The following SGCZ variants were observed in gnomAD, a reference collection of about 807,000 sequenced individuals.
SGCZ encodes zeta-sarcoglycan.
In SGCZ, 40 loss-of-function variants were observed where a neutral mutation model predicts 41.3. That is an observed-to-expected ratio of 0.97 (90% CI 0.75 to 1.26). The LOEUF is 1.26. SGCZ is among the 50% of genes most tolerant of loss of function. SGCZ has a pLI of 0.00. For synonymous variants in SGCZ, 206 were observed against 137.5 expected, an observed-to-expected ratio of 1.50 and a Z score of -3.49; for missense variants, 552 against 369.8, an observed-to-expected ratio of 1.49 and a Z score of -4.04.
At chr8:14,152,661 C>G (rs1017624345) in intron 5 of SGCZ, among the ~76,000 whole-genome samples, 1 of 152,118 alleles carries the variant, frequency 6.6e-6, no homozygotes, top group African/African-American at 2.4e-5. Context: ...TATGGCCCAG[C>G]AAACACACCC....
intron 4 of SGCZ, among the ~76,000 whole-genome samples, chr8:14,225,402 T>C (rs1014866532): frequency 3.7e-4 from 57 of 152,208 alleles, no homozygotes; most frequent in African/African-American, 1.3e-3. Flanking sequence ...GTGTTGAAAA[T>C]ACACTTAGGT....
chr8:14,750,581 G>C (rs138221936), intron 1 of SGCZ, among the ~76,000 whole-genome samples: 2 of 152,000 alleles, frequency 1.3e-5, no homozygotes, highest in African/African-American at 2.4e-5. Context: ...AAACATGTAG[G>C]TTCCAAGAAT....
intron 1 of SGCZ, among the ~76,000 whole-genome samples, chr8:14,794,988 C>G (rs1475399390): frequency 6.6e-6 from 1 of 152,152 alleles, no homozygotes; most frequent in African/African-American, 2.4e-5. Flanking sequence ...AGACAAATAA[C>G]TTTTCCGGTA....
chr8:14,276,250 G>C (rs1030485547), intron 3 of SGCZ, among the ~76,000 whole-genome samples: 1 of 152,278 alleles, frequency 6.6e-6, no homozygotes, highest in South Asian at 2.1e-4. Context: ...GGAATGTGGT[G>C]TGTATTTACT....
chr8:14,420,330 C>A (rs1317806679), intron 2 of SGCZ, among the ~76,000 whole-genome samples: 2 of 152,016 alleles, frequency 1.3e-5, no homozygotes, highest in African/African-American at 2.4e-5. Flanking sequence ...GGGCTAATAA[C>A]CATCACTAAT....
chr8:15,120,668 A>C (rs1352418835), intron 1 of SGCZ, among the ~76,000 whole-genome samples: 1 of 152,162 alleles, frequency 6.6e-6, no homozygotes, highest in African/African-American at 2.4e-5. Context: ...CCCCCTGAGA[A>C]AATGAATTGA....
chr8:14,449,044 T>C (rs746419840), intron 2 of SGCZ, among the ~76,000 whole-genome samples: 1 of 152,200 alleles, frequency 6.6e-6, no homozygotes, highest in Non-Finnish European at 1.5e-5. Flanking sequence ...AAAGGACTTA[T>C]GCTCTGATGC....
chr8:14,202,722 T>G (rs1289651000), intron 4 of SGCZ, among the ~76,000 whole-genome samples: 1 of 152,168 alleles, frequency 6.6e-6, no homozygotes, highest in South Asian at 2.1e-4. Flanking sequence ...AATTGAATTC[T>G]TTTTTGTGGG....
intron 2 of SGCZ, among the ~76,000 whole-genome samples, chr8:14,369,049 G>A (rs1023450027): frequency 2.0e-5 from 3 of 149,556 alleles, no homozygotes; most frequent in African/African-American, 7.4e-5. Context: ...GTGTGTGTGT[G>A]TGTGTATTAC....
At chr8:14,274,929 G>A (rs1800177600) in intron 3 of SGCZ, among the ~76,000 whole-genome samples, 1 of 151,916 alleles carries the variant, frequency 6.6e-6, no homozygotes, top group African/African-American at 2.4e-5. Flanking sequence ...ATAGAGTTTT[G>A]GCAAACTCAC....
intron 1 of SGCZ, among the ~76,000 whole-genome samples, chr8:14,630,743 C>G (rs1347139200): frequency 1.3e-5 from 2 of 151,728 alleles, no homozygotes; most frequent in Admixed American, 6.6e-5. Flanking sequence ...AAGCTGGAAA[C>G]CATCATTCTG....
chr8:14,865,895 T>C (rs1397419389), intron 1 of SGCZ, among the ~76,000 whole-genome samples: 2 of 152,132 alleles, frequency 1.3e-5, no homozygotes, highest in Non-Finnish European at 2.9e-5. Flanking sequence ...GTTAGGTGCT[T>C]ACAGTATCAC....
chr8:14,668,074 A>G (rs1046627385), intron 1 of SGCZ, among the ~76,000 whole-genome samples: 1 of 152,070 alleles, frequency 6.6e-6, no homozygotes, highest in Non-Finnish European at 1.5e-5. Flanking sequence ...CTCCTGCCTC[A>G]GCCTCCCGAG....
chr8:14,365,929 AAT>A (rs1336004419), intron 2 of SGCZ, among the ~76,000 whole-genome samples: 1 of 152,030 alleles, frequency 6.6e-6, no homozygotes, highest in East Asian at 1.9e-4. Context: ...CAATACTGAA[AAT>A]ATGTTATCAA....
intron 1 of SGCZ, among the ~76,000 whole-genome samples, chr8:14,699,242 G>A (rs1332925000): frequency 6.7e-6 from 1 of 148,832 alleles, no homozygotes; most frequent in East Asian, 2.0e-4. Context: ...ATATATATAT[G>A]CATATATATA....
chr8:14,663,942 G>A (rs958702464), intron 1 of SGCZ, among the ~76,000 whole-genome samples: 1 of 152,076 alleles, frequency 6.6e-6, no homozygotes, highest in African/African-American at 2.4e-5. Context: ...GAGAACCAGC[G>A]GCTTAGACAC....
At chr8:14,827,508 A>T (rs943538823) in intron 1 of SGCZ, among the ~76,000 whole-genome samples, 1 of 152,086 alleles carries the variant, frequency 6.6e-6, no homozygotes, top group Non-Finnish European at 1.5e-5. Context: ...AAGTGCTTAT[A>T]TCACATTTTC....
intron 3 of SGCZ, among the ~76,000 whole-genome samples, chr8:14,282,405 T>C (rs895636937): frequency 6.6e-6 from 1 of 152,190 alleles, no homozygotes; most frequent in South Asian, 2.1e-4. Flanking sequence ...CCTAACCTCA[T>C]TTATGGCAGT....
intron 1 of SGCZ, among the ~76,000 whole-genome samples, chr8:15,150,212 G>A (rs553362108): frequency 1.3e-4 from 20 of 150,988 alleles, no homozygotes; most frequent in African/African-American, 2.4e-4. Context: ...AAAACAGTGC[G>A]AATCAGAAAT....
Sources: allele counts gnomAD v4.1 joint callset (sites outside exome capture counted in the v4.1 genomes callset), GRCh38; gene constraint gnomAD v4.1.1; transcripts MANE v1.5; gene names NCBI Gene and HGNC (gene_info 2026-07-23, HGNC 2026-07-21).